Variants in IBSP observed in about 807,000 individuals in gnomAD.
IBSP encodes integrin-binding sialoprotein.
In IBSP, 19 loss-of-function variants were observed where a neutral mutation model predicts 25.5. That is an observed-to-expected ratio of 0.74 (90% CI 0.52 to 1.09). The LOEUF is 1.09. Among genes scored for constraint, IBSP ranks in the 50% least tolerant of loss-of-function variants. The pLI, the probability that IBSP is intolerant of heterozygous loss-of-function variation, is 0.00. For missense variants in IBSP, 360 were observed against 382.3 expected, an observed-to-expected ratio of 0.94 and a Z score of 0.49; for synonymous variants, 144 against 137.6, an observed-to-expected ratio of 1.05 and a Z score of -0.33.
At position 87,802,748 on chromosome 4, in the gene IBSP, A is replaced by AT. The variant is rs545139274; in HGVS notation, c.183+22dup. ...CCAGTTCAGGTAAATATAGAAATTC[A>AT]TTTTTCTTCAGTTTAATTTCTATTA... On this transcript the variant is annotated intron_variant, in intron 4 of 6. Coordinates refer to ENST00000226284, the MANE Select transcript of IBSP (RefSeq NM_004967.4). 7.1e-5 allele frequency: 103 copies of AT among 1,446,490 alleles called. No homozygotes were observed. The African/African-American group carries it at 1.3e-3, about 19-fold the overall frequency. 89.6% of individuals were successfully genotyped at this position (1,446,490 alleles called of 1,614,324 possible).
At chr4:87,808,330 G>C (rs994432425) in intron 5 of IBSP, among the ~76,000 whole-genome samples, 2 of 151,888 alleles carry the variant, frequency 1.3e-5, no homozygotes, top group South Asian at 4.2e-4. Context: ...TACAGGCACC[G>C]GCCACCATGC....
At position 87,812,053 on chromosome 4, in the gene IBSP, T is replaced by G. The variant is rs1434421461; in HGVS notation, c.*143T>G. 1 of 596,206 alleles carries G rather than the reference T, an allele frequency of 1.7e-6. No individual in the cohort carries two copies. The highest frequency in any genetic ancestry group is 1.9e-5 in the African/African-American group (1 of 52,672). 36.9% of individuals were successfully genotyped at this position (596,206 alleles called of 1,614,324 possible). A position where few individuals can be genotyped will look rare whatever the true frequency, so the allele number is the denominator to read the frequency against. The stretch of plus-strand genomic sequence containing the variant: ...ACCGTTCCAGATTTTCTGTAATTGC[T>G]TCTGCAAAGTAATAGGCTTCTTGTC... On this transcript the variant is annotated 3_prime_UTR_variant, in exon 7 of 7. Transcript: ENST00000226284.
In IBSP at chr4:87,811,366, G is replaced by A. The variant is rs762327098; in HGVS notation, c.410G>A (p.Gly137Glu). 3.7e-6 allele frequency: 6 copies of A among 1,603,434 alleles called. No homozygotes were observed. The East Asian group carries it at 1.3e-4, about 36-fold the overall frequency. The change falls in exon 7 of 7, where the codon GGG (glycine) becomes GAG (glutamate). Residue 137 changes from glycine (G) to glutamate (E), a missense_variant. Physicochemically the swap from Gly to Glu is moderately conservative, Grantham distance 98. Coordinates refer to ENST00000226284, the MANE Select transcript of IBSP (RefSeq NM_004967.4). ...CTTTCAAACGTTTCCTTACAGGCTG[G>A]GGATATAACAAATAAAGCTACAAAA... ...LAAIQLPKKAGDITNKATKEK... is the reference protein window; with the variant it reads ...LAAIQLPKKAEDITNKATKEK...
chr4:87,810,508 C>A, intron 5 of IBSP, 98 bp from the exon 6 acceptor site: 1 of 980,276 alleles, frequency 1.0e-6, no homozygotes, highest in Non-Finnish European at 1.6e-6. Context: ...CAAAGTTTTT[C>A]CAAATAATAA....
intron 5 of IBSP, among the ~76,000 whole-genome samples, chr4:87,809,464 T>C (rs904935421): frequency 6.6e-6 from 1 of 152,122 alleles, no homozygotes; most frequent in Non-Finnish European, 1.5e-5. Context: ...AGAATAAATT[T>C]CTCCTTCTAC....
At chr4:87,810,041 C>T (rs1293363585) in intron 5 of IBSP, among the ~76,000 whole-genome samples, 1 of 152,106 alleles carries the variant, frequency 6.6e-6, no homozygotes, top group Non-Finnish European at 1.5e-5. Context: ...CTGGCCAACA[C>T]GGTGAAACGC....
At position 87,806,175 on chromosome 4, in the gene IBSP, GGAA is replaced by G; in HGVS notation, c.243_245del (p.Glu83del). 1.9e-6 allele frequency: 3 copies of G among 1,610,382 alleles called. No individual in the cohort carries two copies. Among genetic ancestry groups the G allele is most frequent in the Non-Finnish European group, 1.7e-6 (2 of 1,178,728 alleles). ...GAGATGACAGTTCAGAAGAGGAGGA[GGAA>G]GAAGAGGTAAGGAATTTTGCAATCT... On this transcript the variant is annotated inframe_deletion, in exon 5 of 7. Coordinates refer to ENST00000226284, the MANE Select transcript of IBSP (RefSeq NM_004967.4).
intron 6 of IBSP, among the ~76,000 whole-genome samples, 180 bp from the exon 7 acceptor site, chr4:87,811,182 C>G (rs1475591769): frequency 6.6e-6 from 1 of 152,158 alleles, no homozygotes; most frequent in Non-Finnish European, 1.5e-5. Flanking sequence ...CATCAAAACC[C>G]ATGACAAAGG....
chr4:87,810,676 C>T lies in IBSP; in HGVS notation c.317C>T (p.Thr106Ile). The change falls in exon 6 of 7, where the codon ACA (threonine) becomes ATA (isoleucine). Residue 106 changes from threonine to isoleucine, a missense_variant. Coordinates refer to ENST00000226284, the MANE Select transcript of IBSP (RefSeq NM_004967.4). ...GAAGACTCTGAGGCTGAGAATACCA[C>T]ACTTTCTGCTACAACACTGGGCTAT... ...EDEDSEAENT[T>I]LSATTLGYGE... The T allele has an allele frequency of 6.2e-7, 1 of 1,613,646 alleles. No individual in the cohort carries two copies. The highest frequency in any genetic ancestry group is 8.5e-7 in the Non-Finnish European group (1 of 1,179,592).
At chr4:87,804,361 T>C (rs1049503960) in intron 4 of IBSP, among the ~76,000 whole-genome samples, 1 of 152,186 alleles carries the variant, frequency 6.6e-6, no homozygotes, top group Non-Finnish European at 1.5e-5. Context: ...CAATCATTTC[T>C]AAATTACCAA....
At chr4:87,803,797 TC>T (rs67512753) in intron 4 of IBSP, among the ~76,000 whole-genome samples, 14,415 of 152,218 alleles carry the variant, frequency 0.095, 1,009 homozygotes, top group African/African-American at 0.2. Flanking sequence ...TGTATTCCCT[TC>T]TTTGGTTCAC....
intron 5 of IBSP, among the ~76,000 whole-genome samples, chr4:87,808,760 C>T (rs13123354): frequency 0.24 from 36,955 of 152,084 alleles, 5,727 homozygotes; most frequent in South Asian, 0.33. Flanking sequence ...TTTAGAGATT[C>T]ATCCATGTTG....
intron 4 of IBSP, among the ~76,000 whole-genome samples, chr4:87,804,762 T>C (rs1213316803): frequency 6.6e-6 from 1 of 152,228 alleles, no homozygotes; most frequent in Non-Finnish European, 1.5e-5. Flanking sequence ...AGGCATTTCA[T>C]ACAGCTTTTA....
At position 87,811,917 on chromosome 4, in the gene IBSP, A is replaced by C; in HGVS notation, c.*7A>C. The C allele has an allele frequency of 6.6e-7, 1 of 1,512,502 alleles. No individual in the cohort carries two copies. The highest frequency in any genetic ancestry group is 8.8e-7 in the Non-Finnish European group (1 of 1,131,724). The allele number at this position is 1,512,502 out of a possible 1,614,324, so 93.7% of individuals were successfully genotyped here. A position where few individuals can be genotyped will look rare whatever the true frequency, so the allele number is the denominator to read the frequency against. ...TTACTACCACCACCAGTGAAGCTCC[A>C]GCCTGGGATGAATTCATCCATTCTG... On this transcript the variant is annotated 3_prime_UTR_variant, in exon 7 of 7. Coordinates refer to ENST00000226284, the MANE Select transcript of IBSP (RefSeq NM_004967.4).
Position 87,801,481 on chromosome 4 carries a change from T to TACAC in IBSP, c.-14-836_-14-833dup, listed in dbSNP as rs34524230. On this transcript the variant is annotated intron_variant, in intron 1 of 6. Coordinates refer to ENST00000226284, the MANE Select transcript of IBSP (RefSeq NM_004967.4). ...TCTCTGTCTCTCATCCACCCACCCA[T>TACAC]ACACACACACACACACACACACACA... Among the ~76,000 whole-genome samples, 69 of 132,458 alleles carry TACAC rather than the reference T, an allele frequency of 5.2e-4. 2 individuals carry two copies. The South Asian group carries it at 8.7e-3, about 17-fold the overall frequency. The allele number at this position is 132,458 out of a possible 152,430, so 86.9% of individuals were successfully genotyped here.
rs140447227 is a variant in IBSP at position 87,811,421 on chromosome 4, G to C, written c.465G>C (p.Glu155Asp). 1.4e-4 allele frequency: 222 copies of C among 1,613,264 alleles called. 1 individual carries two copies. The highest frequency in any genetic ancestry group is 5.0e-4 in the Middle Eastern group (3 of 6,056). The change falls in exon 7 of 7, where the codon GAG becomes GAC. Residue 155 changes from glutamate (E) to aspartate (D), a missense_variant. Glu to Asp is a conservative substitution (Grantham distance 45). Coordinates refer to ENST00000226284, the MANE Select transcript of IBSP (RefSeq NM_004967.4). ...KEKESDEEEE[E>D]EEEGNENEES... is the part of the protein sequence containing the mutation. ...AGGAAAGTGATGAAGAAGAAGAGGA[G>C]GAAGAGGAAGGAAATGAAAACGAAG...
chr4:87,802,859 G>C (rs1722040473), intron 4 of IBSP, 128 bp downstream of exon 4: 1 of 616,098 alleles, frequency 1.6e-6, no homozygotes, highest in Non-Finnish European at 2.7e-6. Context: ...CTTACTATAA[G>C]AAGTTTGTTT....
Position 87,811,773 on chromosome 4 carries a change from A to G in IBSP, c.817A>G (p.Asn273Asp), listed in dbSNP as rs1722179478. Residue 273 changes from asparagine to aspartate, a missense_variant, in exon 7 of 7, where the codon AAT becomes GAT. Transcript: ENST00000226284. ...YEYTGANEYDNGYEIYESENG... is the reference protein window; with the variant it reads ...YEYTGANEYDDGYEIYESENG... The stretch of plus-strand genomic sequence containing the variant: ...ATACACGGGCGCCAATGAATACGAC[A>G]ATGGATATGAAATCTATGAAAGTGA... The G allele has an allele frequency of 1.9e-6, 3 of 1,613,824 alleles. No homozygotes were observed. Among genetic ancestry groups the G allele is most frequent in the East Asian group, 2.2e-5 (1 of 44,870 alleles).
intron 4 of IBSP, among the ~76,000 whole-genome samples, chr4:87,804,341 C>T (rs1257648054): frequency 6.6e-6 from 1 of 152,050 alleles, no homozygotes; most frequent in Non-Finnish European, 1.5e-5. Context: ...AACAAATCTG[C>T]ATTTATATAC....
Sources: allele counts gnomAD v4.1 joint callset (sites outside exome capture counted in the v4.1 genomes callset), GRCh38; gene constraint gnomAD v4.1.1; transcripts MANE v1.5; gene names NCBI Gene and HGNC (gene_info 2026-07-23, HGNC 2026-07-21).